The following TEPSIN variants were observed in gnomAD, a reference collection of about 807,000 sequenced individuals.
The protein encoded by TEPSIN is AP-4 complex accessory subunit tepsin.
In TEPSIN, 50 loss-of-function variants were observed where a neutral mutation model predicts 48.5. The ratio of observed to expected loss-of-function variants is 1.03; its 90% CI spans 0.82 to 1.31. TEPSIN has a LOEUF of 1.31. Ranked by LOEUF, TEPSIN falls within the 50% of genes most tolerant of loss-of-function variation. TEPSIN has a pLI of 0.00. For synonymous variants in TEPSIN, 392 were observed against 358.8 expected, an observed-to-expected ratio of 1.09 and a Z score of -1.05; for missense variants, 838 against 815.9, an observed-to-expected ratio of 1.03 and a Z score of -0.33.
rs940839184 is a variant in TEPSIN at position 81,238,669 on chromosome 17, C to CG, written c.48+316dup. 1.1e-5 allele frequency: 13 copies of CG among 1,185,344 alleles called. No individual in the cohort carries two copies. The African/African-American group carries it at 1.8e-4, about 16-fold the overall frequency. 73.4% of individuals were successfully genotyped at this position (1,185,344 alleles called of 1,614,324 possible). ...CAGCAGCACGGACACAGCGGCTCCA[C>CG]GTCCACCGGGTCCGCCGCTCCTTCC... On this transcript the variant is annotated intron_variant, in intron 1 of 12. Coordinates refer to ENST00000637944, the MANE Select transcript of TEPSIN (RefSeq NM_001363764.2).
intron 11 of TEPSIN, 95 bp downstream of exon 11, chr17:81,231,303 G>A: frequency 1.6e-6 from 2 of 1,276,564 alleles, no homozygotes; most frequent in Non-Finnish European, 2.1e-6. Context: ...ACACAGGTGT[G>A]CACACAGGCA....
At position 81,230,602 on chromosome 17, in the gene TEPSIN, G is replaced by A. The variant is rs374288281; in HGVS notation, c.1175C>T (p.Pro392Leu). The A allele has an allele frequency of 2.2e-5, 35 of 1,609,114 alleles. No individual in the cohort carries two copies. The highest frequency in any genetic ancestry group is 2.6e-5 in the Non-Finnish European group (31 of 1,177,928). Residue 392 changes from proline to leucine, a missense_variant, in exon 12 of 13, where the codon CCG becomes CTG. Coordinates refer to ENST00000637944, the MANE Select transcript of TEPSIN (RefSeq NM_001363764.2). The surrounding 1 kb of genome is among the most constrained non-coding windows in gnomAD (Gnocchi z 4.2). ...PQEHILLRTR[P>L]WLQELSMGSP... is the part of the protein sequence containing the mutation. ...GCCCATGCTGAGCTCCTGCAGCCAC[G>A]GCCGGGTGCGGAGGAGGATGTGCTC...
intron 7 of TEPSIN, 167 bp from the exon 8 acceptor site, chr17:81,232,685 C>T (rs2062641801): frequency 3.3e-6 from 2 of 607,422 alleles, no homozygotes; most frequent in Non-Finnish European, 5.7e-6. Flanking sequence ...TGGAAGCTCC[C>T]AGTGGACTCC....
Position 81,236,704 on chromosome 17 carries a change from G to A in TEPSIN, c.307+4C>T, listed in dbSNP as rs777469270. The A allele has an allele frequency of 1.3e-6, 2 of 1,558,026 alleles. No individual in the cohort carries two copies. The highest frequency in any genetic ancestry group is 2.7e-5 in the African/African-American group (2 of 73,336). On this transcript the variant is annotated splice_donor_region_variant and intron_variant, in intron 4 of 12. Coordinates refer to ENST00000637944, the MANE Select transcript of TEPSIN (RefSeq NM_001363764.2). Reference sequence around the variant, plus strand: ...CTTCCTGAGCGCGTGCGCGGCCCCTGTACCTGCAGCTTCCTGGATGAAGGC... The same window carrying A: ...CTTCCTGAGCGCGTGCGCGGCCCCTATACCTGCAGCTTCCTGGATGAAGGC...
chr17:81,232,300 C>A lies in TEPSIN; in HGVS notation c.730+15G>T. 6.6e-7 allele frequency: 1 copy of A among 1,512,458 alleles called. No homozygotes were observed. Among genetic ancestry groups the A allele is most frequent in the South Asian group, 1.2e-5 (1 of 81,646 alleles). The allele number at this position is 1,512,458 out of a possible 1,614,324, so 93.7% of individuals were successfully genotyped here. A position where few individuals can be genotyped will look rare whatever the true frequency, so the allele number is the denominator to read the frequency against. ...GTGACCCAGACCCCAAGGGGAGGAG[C>A]CCTCGCCTCGATACCTCGGGGACCT... On this transcript the variant is annotated intron_variant, in intron 8 of 12. Transcript: ENST00000637944.
chr17:81,232,261 G>T lies in TEPSIN; in HGVS notation c.730+54C>A. 3 of 1,461,032 alleles carry T rather than the reference G, an allele frequency of 2.1e-6. No individual in the cohort carries two copies. The South Asian group carries it at 4.1e-5, about 20-fold the overall frequency. The allele number at this position is 1,461,032 out of a possible 1,614,324, so 90.5% of individuals were successfully genotyped here. ...GCCTCCGTGGCCGCAAAGCCCCAGCGGTGACAGGAAGGAGTGACCCAGACC... is the reference window on the plus strand; with the variant it reads ...GCCTCCGTGGCCGCAAAGCCCCAGCTGTGACAGGAAGGAGTGACCCAGACC... On this transcript the variant is annotated intron_variant, in intron 8 of 12. Transcript: ENST00000637944.
chr17:81,230,953 T>C lies in TEPSIN; in HGVS notation c.1099-275A>G, dbSNP rs2146826083. ...CCCCAGCTCCCGGACACCAGAGCCATGTCCTCCCCGGCTCCTGGACAGACC... is the reference window on the plus strand; with the variant it reads ...CCCCAGCTCCCGGACACCAGAGCCACGTCCTCCCCGGCTCCTGGACAGACC... On this transcript the variant is annotated intron_variant, in intron 11 of 12. Transcript: ENST00000637944. This position sits in a 1 kb window ranked among gnomAD's most constrained non-coding sequence, Gnocchi z 4.2. 3 of 524,218 alleles carry C rather than the reference T, an allele frequency of 5.7e-6. No homozygotes were observed. In the South Asian group the frequency reaches 7.4e-5, roughly 13 times the overall value. The allele number at this position is 524,218 out of a possible 1,614,324, so 32.5% of individuals were successfully genotyped here.
chr17:81,233,294 C>A lies in TEPSIN; in HGVS notation c.526+138G>T. On this transcript the variant is annotated intron_variant, in intron 7 of 12. Coordinates refer to ENST00000637944, the MANE Select transcript of TEPSIN (RefSeq NM_001363764.2). The surrounding 1 kb of genome is among the most constrained non-coding windows in gnomAD (Gnocchi z 5.8). ...GCCAGAGAGAGACAGTGGGGACAGC[C>A]CCAGGAAGGGTTGAGGCCATGTAGG... 1 of 1,029,212 alleles carries A rather than the reference C, an allele frequency of 9.7e-7. No homozygotes were observed. The highest frequency in any genetic ancestry group is 1.4e-6 in the Non-Finnish European group (1 of 717,536). The allele number at this position is 1,029,212 out of a possible 1,614,324, so 63.8% of individuals were successfully genotyped here.
At chr17:81,232,269 G>A in intron 8 of TEPSIN, 46 bp downstream of exon 8, 2 of 1,471,000 alleles carry the variant, frequency 1.4e-6, no homozygotes, top group South Asian at 1.3e-5. Flanking sequence ...GCGGTGACAG[G>A]AAGGAGTGAC....
intron 3 of TEPSIN, 31 bp downstream of exon 3, chr17:81,236,949 A>G: frequency 6.5e-7 from 1 of 1,550,134 alleles, no homozygotes. Context: ...GCCGGGCCTC[A>G]GGCCTGACCC....
intron 1 of TEPSIN, chr17:81,237,679 C>T: frequency 1.7e-6 from 1 of 604,864 alleles, no homozygotes; most frequent in Non-Finnish European, 2.9e-6. Context: ...AGAGGCAAAT[C>T]AATGGTGGTT....
In TEPSIN at chr17:81,231,569, C is replaced by T. The variant is rs776826349; in HGVS notation, c.1019+9G>A. On this transcript the variant is annotated intron_variant, in intron 10 of 12. Coordinates refer to ENST00000637944, the MANE Select transcript of TEPSIN (RefSeq NM_001363764.2). ...TGAGGCAGAGCAGGGCGGGTCCGGGCGCACTCACGCTTTGATGAAGTGCTG... is the reference window on the plus strand; with the variant it reads ...TGAGGCAGAGCAGGGCGGGTCCGGGTGCACTCACGCTTTGATGAAGTGCTG... The T allele has an allele frequency of 5.6e-6, 9 of 1,609,138 alleles. No individual in the cohort carries two copies. Among genetic ancestry groups the T allele is most frequent in the South Asian group, 5.5e-5 (5 of 90,548 alleles).
At chr17:81,236,577 G>A in intron 4 of TEPSIN, 131 bp downstream of exon 4, 1 of 936,344 alleles carries the variant, frequency 1.1e-6, no homozygotes, top group Admixed American at 2.2e-5. Flanking sequence ...CAGCAAGGCG[G>A]GGCTTTGATC....
chr17:81,234,300 G>A lies in TEPSIN; in HGVS notation c.308-252C>T, dbSNP rs558737777. Reference sequence around the variant, plus strand: ...CAACCACCTCGTCTCCCCCAGGGTCGGCAACCCCTGGTGCCTGAGCGGGTG... The same window carrying A: ...CAACCACCTCGTCTCCCCCAGGGTCAGCAACCCCTGGTGCCTGAGCGGGTG... On this transcript the variant is annotated intron_variant, in intron 4 of 12. Transcript: ENST00000637944. This position sits in a 1 kb window ranked among gnomAD's most constrained non-coding sequence, Gnocchi z 5.4. 1.7e-4 allele frequency: 64 copies of A among 381,184 alleles called. 1 individual carries two copies. In the South Asian group the frequency reaches 4.5e-3, roughly 27 times the overall value. The allele number at this position is 381,184 out of a possible 1,614,324, so 23.6% of individuals were successfully genotyped here. A position where few individuals can be genotyped will look rare whatever the true frequency, so the allele number is the denominator to read the frequency against.
rs1260011148 is a variant in TEPSIN at position 81,233,534 on chromosome 17, G to A, written c.455-31C>T. 16 of 1,571,444 alleles carry A rather than the reference G, an allele frequency of 1.0e-5. No individual in the cohort carries two copies. The highest frequency in any genetic ancestry group is 4.5e-5 in the East Asian group (2 of 44,216). ...GAGGGTCCTCCGTTAGCAGCAAGCC[G>A]GCCCCCACCCTCGGCCCTGCCCACG... On this transcript the variant is annotated intron_variant, in intron 6 of 12. Coordinates refer to ENST00000637944, the MANE Select transcript of TEPSIN (RefSeq NM_001363764.2). This position sits in a 1 kb window ranked among gnomAD's most constrained non-coding sequence, Gnocchi z 5.8.
Position 81,229,005 on chromosome 17 carries a change from G to T in TEPSIN, c.1705C>A (p.Gln569Lys). 4 of 1,613,570 alleles carry T rather than the reference G, an allele frequency of 2.5e-6. No homozygotes were observed. Among genetic ancestry groups the T allele is most frequent in the Non-Finnish European group, 3.4e-6 (4 of 1,179,972 alleles). Residue 569 changes from glutamine to lysine, a missense_variant, in exon 13 of 13, where the codon CAA (glutamine) becomes AAA (lysine). Gln to Lys is a moderately conservative substitution (Grantham distance 53). Transcript: ENST00000637944. Reference protein sequence around the residue: ...ESCPDAPRAPQTSSQRTAAKE... With the variant: ...ESCPDAPRAPKTSSQRTAAKE... ...GCTGCTGTCCTCTGGGACGATGTTT[G>T]GGGGGCGCGGGGAGCATCAGGACAG...
In TEPSIN at chr17:81,231,446, C is replaced by T. The variant is rs1282600534; in HGVS notation, c.1050G>A (p.Leu350=). Residue 350 remains leucine, a synonymous_variant, in exon 11 of 13, where the codon CTG becomes CTA. Coordinates refer to ENST00000637944, the MANE Select transcript of TEPSIN (RefSeq NM_001363764.2). ...CACGCAGGTGGCAGGTCAGCAGCTG[C>T]AGCACGGCCTCACAGTTGAGCAGTC... The part of the protein sequence containing the change: ...ACGLLNCEAV[L]QLLTCHLRGT... The T allele has an allele frequency of 6.4e-7, 1 of 1,568,252 alleles. No individual in the cohort carries two copies. Among genetic ancestry groups the T allele is most frequent in the South Asian group, 1.2e-5 (1 of 85,762 alleles).
rs775678146 is a variant in TEPSIN at position 81,233,456 on chromosome 17, A to G, written c.502T>C (p.Tyr168His). ...RPHSTLQGFGYSKEHGRTGSA... is the reference protein window; with the variant it reads ...RPHSTLQGFGHSKEHGRTGSA... ...CCCGTGCGGCCGTGTTCCTTGCTGT[A>G]GCCGAAACCCTGGAGGGTGCTGTGC... Residue 168 changes from tyrosine to histidine, a missense_variant, in exon 7 of 13, where the codon TAC becomes CAC. Coordinates refer to ENST00000637944, the MANE Select transcript of TEPSIN (RefSeq NM_001363764.2). This position sits in a 1 kb window ranked among gnomAD's most constrained non-coding sequence, Gnocchi z 5.8. 1.9e-6 allele frequency: 3 copies of G among 1,610,976 alleles called. No homozygotes were observed. Among genetic ancestry groups the G allele is most frequent in the South Asian group, 1.1e-5 (1 of 90,898 alleles).
At chr17:81,232,635 G>T in intron 7 of TEPSIN, 117 bp from the exon 8 acceptor site, 2 of 975,080 alleles carry the variant, frequency 2.1e-6, no homozygotes, top group East Asian at 2.7e-5. Context: ...CGGGGTACAT[G>T]CTGCAGGTAG....
Sources: gnomAD v4.1 joint callset for allele counts on GRCh38, gnomAD v4.1.1 for gene constraint, Gnocchi (gnomAD v3.1) non-coding constraint, MANE v1.5 for transcripts, NCBI Gene and HGNC (gene_info 2026-07-23, HGNC 2026-07-21) for gene names.